The following MALRD1 variants were observed in gnomAD, a reference collection of about 807,000 sequenced individuals.
MALRD1 encodes MAM and LDL-receptor class A domain-containing protein 1.
MALRD1 carries 247 observed loss-of-function variants against 242.1 expected under a neutral mutation model. The observed-to-expected ratio is 1.02, with a 90% CI of 0.92 to 1.13. The LOEUF (loss-of-function observed/expected upper bound fraction) is 1.13, where lower values mean the gene tolerates loss of function less well. MALRD1 is among the 50% of genes most tolerant of loss of function. The pLI is 0.00. For synonymous variants in MALRD1, 995 were observed against 866.6 expected (o/e 1.15, Z -2.60); for missense variants, 2,989 against 2,533.1 (o/e 1.18, Z -3.86).
intron 19 of MALRD1, among the ~76,000 whole-genome samples, chr10:19,269,692 C>T (rs568977131): frequency 1.2e-4 from 17 of 147,558 alleles, no homozygotes; most frequent in African/African-American, 3.4e-4. Context: ...GAAGAAGAAA[C>T]GCTTTTCTCA....
At chr10:19,288,143 C>G (rs1345534127) in intron 21 of MALRD1, among the ~76,000 whole-genome samples, 1 of 151,838 alleles carries the variant, frequency 6.6e-6, no homozygotes, top group African/African-American at 2.4e-5. Flanking sequence ...GTGGCTCAAT[C>G]TCAGCTCACT....
At chr10:19,361,900 G>A (rs1411214994) in intron 26 of MALRD1, among the ~76,000 whole-genome samples, 2 of 152,146 alleles carry the variant, frequency 1.3e-5, no homozygotes, top group African/African-American at 4.8e-5. Context: ...ACTTGTGGTT[G>A]TATAAATTTT....
intron 32 of MALRD1, among the ~76,000 whole-genome samples, chr10:19,540,223 A>G (rs1834902919): frequency 6.6e-6 from 1 of 152,148 alleles, no homozygotes; most frequent in Admixed American, 6.6e-5. Context: ...GCAAGAGGAT[A>G]TTCTATTCCC....
At chr10:19,366,158 G>T (rs866587279) in intron 26 of MALRD1, among the ~76,000 whole-genome samples, 2 of 151,892 alleles carry the variant, frequency 1.3e-5, no homozygotes, top group East Asian at 3.9e-4. Context: ...AATATGTAAT[G>T]AAATAAACAT....
intron 34 of MALRD1, among the ~76,000 whole-genome samples, chr10:19,605,959 G>A (rs17729995): frequency 0.038 from 5,814 of 152,094 alleles, 156 homozygotes; most frequent in Non-Finnish European, 0.058. Context: ...TGATATTCTA[G>A]CACCTTAGGA....
chr10:19,188,221 A>G (rs1407918664), intron 14 of MALRD1, among the ~76,000 whole-genome samples: 2 of 152,180 alleles, frequency 1.3e-5, no homozygotes, highest in East Asian at 1.9e-4. Context: ...ATCGTCAATG[A>G]CCACCTGTAA....
At chr10:19,121,707 G>T (rs910392599) in intron 5 of MALRD1, among the ~76,000 whole-genome samples, 1 of 152,114 alleles carries the variant, frequency 6.6e-6, no homozygotes, top group Admixed American at 6.5e-5. Flanking sequence ...CCAGAGAAGG[G>T]CATGGAGAGT....
chr10:19,116,601 C>CGG (rs1836878369), intron 5 of MALRD1, among the ~76,000 whole-genome samples: 1 of 152,196 alleles, frequency 6.6e-6, no homozygotes, highest in East Asian at 1.9e-4. Context: ...CTGAGAGAGT[C>CGG]GGGACAATTT....
rs145468638 is a variant in MALRD1 at position 19,268,693 on chromosome 10, T to A, written c.3079+10922T>A. Among the ~76,000 whole-genome samples, 3 of 152,332 alleles carry A rather than the reference T, an allele frequency of 2.0e-5. No individual in the cohort carries two copies. In the East Asian group the frequency reaches 5.8e-4, roughly 29 times the overall value. On this transcript the variant is annotated intron_variant, in intron 19 of 39. Transcript: ENST00000454679. ...AAGTTGGTAATAATTTATCAAGGACTAGAGATGTTAAAATGTTGGTTTTAT... is the reference window on the plus strand; with the variant it reads ...AAGTTGGTAATAATTTATCAAGGACAAGAGATGTTAAAATGTTGGTTTTAT...
intron 22 of MALRD1, 149 bp from the exon 23 acceptor site, chr10:19,327,414 T>C (rs1210741131): frequency 1.7e-6 from 1 of 581,316 alleles, no homozygotes; most frequent in East Asian, 2.8e-5. Flanking sequence ...AAAACAAAGA[T>C]ATCTAATAAA....
chr10:19,237,513 C>CATATAT (rs34727263), intron 18 of MALRD1, among the ~76,000 whole-genome samples: 77 of 113,714 alleles, frequency 6.8e-4, no homozygotes, highest in African/African-American at 1.8e-3. Flanking sequence ...TGTGTGTGTC[C>CATATAT]ATATATATAT....
At chr10:19,367,878 A>G (rs189541663) in intron 26 of MALRD1, among the ~76,000 whole-genome samples, 1 of 151,922 alleles carries the variant, frequency 6.6e-6, no homozygotes, top group Non-Finnish European at 1.5e-5. Context: ...CATTTTTTTC[A>G]TACAATTGTT....
intron 21 of MALRD1, among the ~76,000 whole-genome samples, chr10:19,300,030 A>C (rs1564541892): frequency 6.6e-6 from 1 of 151,980 alleles, no homozygotes; most frequent in Non-Finnish European, 1.5e-5. Flanking sequence ...ATTTCAGGAT[A>C]CAAAATCAAT....
At chr10:19,245,762 G>T (rs1330351895) in intron 18 of MALRD1, among the ~76,000 whole-genome samples, 1 of 152,138 alleles carries the variant, frequency 6.6e-6, no homozygotes, top group Non-Finnish European at 1.5e-5. Context: ...TTTAGCAAAA[G>T]CTGTTAGTGA....
chr10:19,494,570 A>G lies in MALRD1; in HGVS notation c.5158+2925A>G, dbSNP rs146857208. 9.8e-5 allele frequency among the ~76,000 whole-genome samples: 15 copies of G among 152,344 alleles called. No homozygotes were observed. In the East Asian group the frequency reaches 2.7e-3, roughly 27 times the overall value. ...GGAGCTGACGGATGAAATATCCAGTATAAAAAAATAACGTAATTCACCTAA... is the reference window on the plus strand; with the variant it reads ...GGAGCTGACGGATGAAATATCCAGTGTAAAAAAATAACGTAATTCACCTAA... On this transcript the variant is annotated intron_variant, in intron 30 of 39. Coordinates refer to ENST00000454679, the MANE Select transcript of MALRD1 (RefSeq NM_001142308.3).
chr10:19,339,932 A>G (rs528684117), intron 24 of MALRD1, among the ~76,000 whole-genome samples: 1 of 152,250 alleles, frequency 6.6e-6, no homozygotes, highest in South Asian at 2.1e-4. Flanking sequence ...TAGAGGAAGC[A>G]AGGAATGTCT....
intron 33 of MALRD1, among the ~76,000 whole-genome samples, chr10:19,577,633 G>T (rs1448418725): frequency 6.6e-6 from 1 of 152,058 alleles, no homozygotes; most frequent in Non-Finnish European, 1.5e-5. Context: ...GTCTCATCCA[G>T]AACTCAAAGA....
intron 26 of MALRD1, among the ~76,000 whole-genome samples, chr10:19,385,524 G>A (rs138287973): frequency 6.6e-6 from 1 of 151,928 alleles, no homozygotes; most frequent in African/African-American, 2.4e-5. Flanking sequence ...TCAATTCTTG[G>A]TGTATAATTG....
At chr10:19,663,506 T>A (rs1841536098) in intron 36 of MALRD1, among the ~76,000 whole-genome samples, 1 of 152,182 alleles carries the variant, frequency 6.6e-6, no homozygotes, top group South Asian at 2.1e-4. Flanking sequence ...GGTGTCTTTT[T>A]TTAATGTAAT....
Sources: allele counts gnomAD v4.1 joint callset (sites outside exome capture counted in the v4.1 genomes callset), GRCh38; gene constraint gnomAD v4.1.1; transcripts MANE v1.5; gene names NCBI Gene and HGNC (gene_info 2026-07-23, HGNC 2026-07-21).